AFG2A: variants seen among roughly 807,000 people sequenced by gnomAD.
AFG2A encodes AAA ATPase AFG2A.
At chr4:123,315,565 T>A in the AFG2A span, 1 of 152,162 alleles carries the variant, frequency 6.6e-6, no homozygotes, top group Non-Finnish European at 1.5e-5. Flanking sequence ...TTATTTATCC[T>A]CAGGATTTCT....
At chr4:123,042,285 T>C in the AFG2A span, among the ~76,000 whole-genome samples, 1 of 152,152 alleles carries the variant, frequency 6.6e-6, no homozygotes, top group Non-Finnish European at 1.5e-5. Flanking sequence ...TAGGGTTTGC[T>C]GCTTGGCTTT....
the AFG2A span, among the ~76,000 whole-genome samples, chr4:123,248,718 A>G: frequency 2.6e-5 from 4 of 152,216 alleles, no homozygotes; most frequent in African/African-American, 9.6e-5. Flanking sequence ...TTCTTTTTAA[A>G]TATTGAGATT....
At chr4:123,187,408 G>A in the AFG2A span, among the ~76,000 whole-genome samples, 3 of 152,128 alleles carry the variant, frequency 2.0e-5, no homozygotes, top group Non-Finnish European at 4.4e-5. Flanking sequence ...GTTACCCAAC[G>A]TATTAGTTGT....
the AFG2A span, among the ~76,000 whole-genome samples, chr4:123,205,566 C>T: frequency 6.6e-6 from 1 of 152,090 alleles, no homozygotes; most frequent in South Asian, 2.1e-4. Context: ...CTATTACAAG[C>T]AATCTAGAGA....
At chr4:123,007,566 ATATGTGTGTGTGTGTGTGTG>A in the AFG2A span, among the ~76,000 whole-genome samples, 66 of 40,196 alleles carry the variant, frequency 1.6e-3, no homozygotes, top group Non-Finnish European at 2.9e-3. Context: ...GTGTGTGTGT[ATATGTGTGTGTGTGTGTGTG>A]TGTGTGTGTG....
the AFG2A span, among the ~76,000 whole-genome samples, chr4:123,111,932 A>G: frequency 1.3e-5 from 2 of 152,142 alleles, no homozygotes; most frequent in Non-Finnish European, 1.5e-5. Context: ...CATGTTGGCC[A>G]GGCTGGTCTT....
the AFG2A span, among the ~76,000 whole-genome samples, chr4:123,219,990 C>T: frequency 2.6e-5 from 4 of 152,122 alleles, no homozygotes; most frequent in Non-Finnish European, 5.9e-5. Flanking sequence ...CTGCCTCAGC[C>T]TCCCGAGTAG....
chr4:122,961,685 A>T, the AFG2A span, among the ~76,000 whole-genome samples: 1 of 152,128 alleles, frequency 6.6e-6, no homozygotes, highest in African/African-American at 2.4e-5. Context: ...TTGTATTTTT[A>T]ATAGAGACGG....
chr4:123,134,761 G>A, the AFG2A span, among the ~76,000 whole-genome samples: 1 of 152,098 alleles, frequency 6.6e-6, no homozygotes, highest in Non-Finnish European at 1.5e-5. Context: ...GATTGACTCA[G>A]TAAGTAGAAG....
At chr4:123,221,563 G>T in the AFG2A span, among the ~76,000 whole-genome samples, 1 of 152,010 alleles carries the variant, frequency 6.6e-6, no homozygotes, top group Non-Finnish European at 1.5e-5. Context: ...TGATATTCTG[G>T]AATATTGGAT....
chr4:123,118,353 T>TTATATA, the AFG2A span, among the ~76,000 whole-genome samples: 52 of 129,852 alleles, frequency 4.0e-4, no homozygotes, highest in Non-Finnish European at 6.7e-4. Flanking sequence ...ATTATATATA[T>TTATATA]TATATATATA....
the AFG2A span, among the ~76,000 whole-genome samples, chr4:123,054,520 C>T: frequency 6.6e-6 from 1 of 151,710 alleles, no homozygotes; most frequent in Admixed American, 6.6e-5. Context: ...AGATTGAGAC[C>T]ATCCTGGCTA....
chr4:123,044,724 C>T, the AFG2A span, among the ~76,000 whole-genome samples: 1 of 151,952 alleles, frequency 6.6e-6, no homozygotes, highest in East Asian at 1.9e-4. Context: ...TATATTAAAC[C>T]TCTTAATATT....
the AFG2A span, among the ~76,000 whole-genome samples, chr4:122,998,459 C>G: frequency 4.0e-5 from 6 of 151,698 alleles, no homozygotes; most frequent in Middle Eastern, 3.4e-3. Flanking sequence ...TATCCCTCCC[C>G]ACTCCCCCCA....
the AFG2A span, among the ~76,000 whole-genome samples, chr4:122,931,367 T>A: frequency 1.3e-5 from 2 of 152,188 alleles, no homozygotes; most frequent in African/African-American, 4.8e-5. Context: ...ATTCTCATTA[T>A]TTGTGGTTAG....
At chr4:123,238,015 G>A in the AFG2A span, among the ~76,000 whole-genome samples, 4 of 152,234 alleles carry the variant, frequency 2.6e-5, no homozygotes, top group African/African-American at 9.6e-5. Flanking sequence ...TGGCAGACAA[G>A]GAGATTCTCT....
chr4:123,264,888 T>C, the AFG2A span, among the ~76,000 whole-genome samples: 6 of 152,144 alleles, frequency 3.9e-5, no homozygotes, highest in Non-Finnish European at 5.9e-5. Context: ...ATTAAATTAA[T>C]TGTATAAGGA....
chr4:123,053,772 CTTG>C, the AFG2A span, among the ~76,000 whole-genome samples: 1 of 152,152 alleles, frequency 6.6e-6, no homozygotes, highest in Non-Finnish European at 1.5e-5. Context: ...GAAAGCTTGT[CTTG>C]TTGGCTCAGA....
chr4:123,091,407 A>G, the AFG2A span, among the ~76,000 whole-genome samples: 1 of 152,228 alleles, frequency 6.6e-6, no homozygotes, highest in South Asian at 2.1e-4. Flanking sequence ...TCTACTCCCC[A>G]ATCTTGTATC....
Sources: allele counts gnomAD v4.1 joint callset (sites outside exome capture counted in the v4.1 genomes callset), GRCh38; gene constraint gnomAD v4.1.1; transcripts MANE v1.5; gene names NCBI Gene and HGNC (gene_info 2026-07-23, HGNC 2026-07-21).